TACC2: variants seen among roughly 807,000 people sequenced by gnomAD.
The protein encoded by TACC2 is transforming acidic coiled-coil containing protein 2, also known as transforming acidic coiled-coil-containing protein 2.
TACC2 carries 137 observed loss-of-function variants against 227.3 expected under a neutral mutation model. The ratio of observed to expected loss-of-function variants is 0.60; its 90% confidence interval spans 0.52 to 0.69. TACC2 has a LOEUF of 0.69. TACC2 is among the 30% of genes least tolerant of loss of function. TACC2 has a pLI of 0.00. For synonymous variants in TACC2, 1,523 were observed against 1,487.5 expected, an observed-to-expected ratio of 1.02 and a Z score of -0.55; for missense variants, 3,470 against 3,694.4, an observed-to-expected ratio of 0.94 and a Z score of 1.57.
chr10:122,136,475 A>T (rs1472763015), intron 6 of TACC2, among the ~76,000 whole-genome samples: 2 of 151,756 alleles, frequency 1.3e-5, no homozygotes, highest in African/African-American at 4.8e-5. Flanking sequence ...CCTTTTCAGT[A>T]GTTTAAATTT....
In TACC2 at chr10:122,087,106, G is replaced by GCAGCCTGGC. The variant is rs776107296; in HGVS notation, c.4610_4618dup (p.Ala1537_Pro1539dup). On this transcript the variant is annotated inframe_insertion, in exon 4 of 23. Transcript: ENST00000369005. ...AGACGAGAGGCCAGAGGGGCCTGGG[G>GCAGCCTGGC]CAGCCTGGCCAGGCCTGGAAGGCCA... is the stretch of plus-strand genomic sequence containing the variant. The GCAGCCTGGC allele has an allele frequency of 3.7e-6, 6 of 1,610,294 alleles. No homozygotes were observed. The highest frequency in any genetic ancestry group is 5.1e-6 in the Non-Finnish European group (6 of 1,178,696).
chr10:122,112,380 T>C (rs1353599887), intron 5 of TACC2, among the ~76,000 whole-genome samples: 2 of 152,198 alleles, frequency 1.3e-5, no homozygotes, highest in Non-Finnish European at 2.9e-5. Context: ...ATATGGCAGC[T>C]GGAATTGGTT....
At chr10:122,080,904 A>G (rs1333683529) in intron 3 of TACC2, among the ~76,000 whole-genome samples, 1 of 152,214 alleles carries the variant, frequency 6.6e-6, no homozygotes, top group East Asian at 1.9e-4. Flanking sequence ...CAGTTACAAA[A>G]AGATTCCATA....
In TACC2 at chr10:122,085,269, G is replaced by A; in HGVS notation, c.2769G>A (p.Trp923Ter). The change falls in exon 4 of 23, where the codon TGG (tryptophan) becomes TGA (stop). Residue 923 changes from tryptophan to a stop codon, truncating the protein, a stop_gained. Transcript: ENST00000369005. LOFTEE classifies it high-confidence loss of function. ...CTTCATCTCCCACTGACATGGTTTGGGAGAGTTCTCTGACAGAAGAGTCAG... is the reference window on the plus strand; with the variant it reads ...CTTCATCTCCCACTGACATGGTTTGAGAGAGTTCTCTGACAGAAGAGTCAG... ...TPTSSPTDMV[W>*]ESSLTEESEL... 6.2e-7 allele frequency: 1 copy of A among 1,614,066 alleles called. No homozygotes were observed. Among genetic ancestry groups the A allele is most frequent in the Non-Finnish European group, 8.5e-7 (1 of 1,180,030 alleles).
intron 8 of TACC2, among the ~76,000 whole-genome samples, chr10:122,198,168 C>T (rs2094641010): frequency 6.6e-6 from 1 of 152,224 alleles, no homozygotes; most frequent in Non-Finnish European, 1.5e-5. Context: ...TGTCTGGGCT[C>T]CCTGGGATGG....
chr10:122,190,528 C>G (rs2140455708), intron 7 of TACC2, among the ~76,000 whole-genome samples: 1 of 152,278 alleles, frequency 6.6e-6, no homozygotes, highest in Middle Eastern at 3.4e-3. Context: ...TTACGTTGTT[C>G]CCTCTTTCCT....
rs546213883 is a variant in TACC2 at position 122,030,390 on chromosome 10, A to C, written c.33+8376A>C. Among the ~76,000 whole-genome samples the C allele has an allele frequency of 1.1e-4, 16 of 152,278 alleles. No homozygotes were observed. In the South Asian group the frequency reaches 3.3e-3, roughly 32 times the overall value. On this transcript the variant is annotated intron_variant, in intron 2 of 22. Coordinates refer to ENST00000369005, the MANE Select transcript of TACC2 (RefSeq NM_206862.4). Reference sequence around the variant, plus strand: ...CTTTCAAAAGGCACTTGCTGTATACATTGTCAAAATGCCTTCCAGAACAGT... The same window carrying C: ...CTTTCAAAAGGCACTTGCTGTATACCTTGTCAAAATGCCTTCCAGAACAGT...
In TACC2 at chr10:122,195,127, A is replaced by C. The variant is rs368856332; in HGVS notation, c.5922A>C (p.Glu1974Asp). The change falls in exon 8 of 23, where the codon GAA becomes GAC. Residue 1974 changes from glutamate to aspartate, a missense_variant. By Grantham distance (45) the Glu-to-Asp change is conservative (BLOSUM62 2). Coordinates refer to ENST00000369005, the MANE Select transcript of TACC2 (RefSeq NM_206862.4). ...APPAPPPPPPEVIPEPEVSTQ... is the reference protein window; with the variant it reads ...APPAPPPPPPDVIPEPEVSTQ... ...CAGCTCCACCCCCACCACCCCCCGA[A>C]GTCATCCCAGAACCCGAGGTCAGCA... 1.9e-6 allele frequency: 3 copies of C among 1,611,676 alleles called. No individual in the cohort carries two copies. The highest frequency in any genetic ancestry group is 1.1e-5 in the South Asian group (1 of 90,898).
intron 22 of TACC2, among the ~76,000 whole-genome samples, chr10:122,253,336 C>T (rs758706473): frequency 2.6e-4 from 40 of 152,188 alleles, no homozygotes; most frequent in Non-Finnish European, 5.6e-4. Context: ...ATGGAGGGAT[C>T]GTCCCGTTGG....
chr10:122,179,952 C>T (rs959096010), intron 7 of TACC2, among the ~76,000 whole-genome samples: 5 of 151,906 alleles, frequency 3.3e-5, no homozygotes, highest in Admixed American at 6.6e-5. Flanking sequence ...GGAGTGGTGG[C>T]GTGTATCCAT....
chr10:122,223,473 A>G (rs1216059772), intron 11 of TACC2, among the ~76,000 whole-genome samples: 1 of 152,132 alleles, frequency 6.6e-6, no homozygotes, highest in African/African-American at 2.4e-5. Flanking sequence ...TTTATTCAGG[A>G]TGCAACAGGG....
intron 1 of TACC2, among the ~76,000 whole-genome samples, chr10:122,016,779 G>T (rs974263477): frequency 6.6e-6 from 1 of 151,996 alleles, no homozygotes; most frequent in African/African-American, 2.4e-5. Context: ...TGCTTAATTT[G>T]TGTCCCCACG....
intron 6 of TACC2, among the ~76,000 whole-genome samples, chr10:122,139,048 G>A (rs78482943): frequency 7.9e-5 from 12 of 152,338 alleles, no homozygotes; most frequent in South Asian, 2.1e-4. Flanking sequence ...ATGACCAGGC[G>A]TGGGGATTCA....
At chr10:122,118,015 CTTTTTTT>C (rs902640167) in intron 5 of TACC2, among the ~76,000 whole-genome samples, 5 of 138,556 alleles carry the variant, frequency 3.6e-5, no homozygotes, top group South Asian at 2.3e-4. Context: ...TTCTCTTTTT[CTTTTTTT>C]TTTTTTTTTG....
chr10:122,028,472 A>G (rs1477701593), intron 2 of TACC2, among the ~76,000 whole-genome samples: 1 of 152,132 alleles, frequency 6.6e-6, no homozygotes, highest in Non-Finnish European at 1.5e-5. Context: ...CCTAAGTATT[A>G]TGTTTTCTTT....
At position 122,083,129 on chromosome 10, in the gene TACC2, A is replaced by G. The variant is rs1212250186; in HGVS notation, c.629A>G (p.Lys210Arg). 2.5e-6 allele frequency: 4 copies of G among 1,612,968 alleles called. No individual in the cohort carries two copies. Among genetic ancestry groups the G allele is most frequent in the Non-Finnish European group, 2.5e-6 (3 of 1,179,996 alleles). Reference protein sequence around the residue: ...MSPVPLREPMKAPLCGEGDQP... With the variant: ...MSPVPLREPMRAPLCGEGDQP... ...CCAGTACCCCTCAGAGAGCCAATGA[A>G]GGCACCGCTGTGTGGAGAGGGGGAC... Residue 210 changes from lysine to arginine, a missense_variant, in exon 4 of 23, where the codon AAG becomes AGG. Physicochemically the swap from Lys to Arg is conservative, Grantham distance 26. Coordinates refer to ENST00000369005, the MANE Select transcript of TACC2 (RefSeq NM_206862.4).
At chr10:122,143,441 G>A in intron 6 of TACC2, 131 bp from the exon 7 acceptor site, 1 of 987,602 alleles carries the variant, frequency 1.0e-6, no homozygotes, top group Non-Finnish European at 1.4e-6. Flanking sequence ...AAGCCGGGGA[G>A]CCAAGTGCTG....
intron 7 of TACC2, among the ~76,000 whole-genome samples, chr10:122,191,121 CTT>C (rs924463814): frequency 6.9e-6 from 1 of 144,348 alleles, no homozygotes. Flanking sequence ...AGCCAGGACC[CTT>C]TTTTTTTTTT....
intron 7 of TACC2, among the ~76,000 whole-genome samples, chr10:122,186,806 C>T (rs1401385570): frequency 6.6e-6 from 1 of 152,216 alleles, no homozygotes; most frequent in African/African-American, 2.4e-5. Context: ...TGACACCGCC[C>T]CCGGCCAAAC....
Sources: gnomAD v4.1 joint callset for allele counts (sites outside exome capture counted in the v4.1 genomes callset) on GRCh38, gnomAD v4.1.1 for gene constraint, MANE v1.5 for transcripts, NCBI Gene and HGNC (gene_info 2026-07-23, HGNC 2026-07-21) for gene names.